The following STAG1 variants were observed in gnomAD, a reference collection of about 807,000 sequenced individuals.
STAG1 encodes cohesin subunit SA-1.
STAG1 carries 26 observed loss-of-function variants against 170.9 expected under a neutral mutation model. That is an observed-to-expected ratio of 0.15 (90% CI 0.11 to 0.21). The LOEUF (loss-of-function observed/expected upper bound fraction) is 0.21, where lower values mean the gene tolerates loss of function less well. STAG1 is among the 10% of genes least tolerant of loss of function. The probability of loss-of-function intolerance (pLI) is 1.00; values close to 1 mark genes in which losing one functional copy is unlikely to be tolerated. For synonymous variants in STAG1, 514 were observed against 497.7 expected, an observed-to-expected ratio of 1.03 and a Z score of -0.44; for missense variants, 964 against 1,509.5, an observed-to-expected ratio of 0.64 and a Z score of 5.99.
chr3:136,372,667 T>G (rs1163114582), intron 23 of STAG1, among the ~76,000 whole-genome samples: 2 of 152,242 alleles, frequency 1.3e-5, no homozygotes, highest in Non-Finnish European at 2.9e-5. Flanking sequence ...TTTTCCTATG[T>G]TGAACCAGCC....
intron 1 of STAG1, among the ~76,000 whole-genome samples, chr3:136,683,262 A>C (rs1343017704): frequency 9.5e-6 from 1 of 105,078 alleles, no homozygotes; most frequent in Non-Finnish European, 1.9e-5. Context: ...TGTGTATTTC[A>C]ACACAATTTT....
chr3:136,443,464 AT>A (rs2088689388), intron 14 of STAG1, 60 bp from the exon 15 acceptor site: 1 of 1,153,912 alleles, frequency 8.7e-7, no homozygotes, highest in Non-Finnish European at 1.3e-6. Flanking sequence ...ACTAATACTA[AT>A]TTGAGTTAAG....
At chr3:136,349,939 G>A (rs1369551597) in intron 28 of STAG1, among the ~76,000 whole-genome samples, 2 of 152,166 alleles carry the variant, frequency 1.3e-5, no homozygotes, top group Non-Finnish European at 2.9e-5. Context: ...CAGATCACTT[G>A]AGGACAGCAG....
chr3:136,723,227 C>CT (rs1439504169), intron 1 of STAG1, among the ~76,000 whole-genome samples: 1 of 151,526 alleles, frequency 6.6e-6, no homozygotes, highest in East Asian at 1.9e-4. Flanking sequence ...GCCCGGCTGC[C>CT]ATCCCATCTA....
intron 5 of STAG1, among the ~76,000 whole-genome samples, chr3:136,564,228 G>A (rs1430203783): frequency 1.3e-5 from 2 of 152,120 alleles, no homozygotes; most frequent in Non-Finnish European, 2.9e-5. Flanking sequence ...ACTGCTGAAG[G>A]TATATATTCA....
intron 7 of STAG1, among the ~76,000 whole-genome samples, chr3:136,506,887 T>C (rs554871669): frequency 5.3e-4 from 81 of 152,310 alleles, no homozygotes; most frequent in Non-Finnish European, 3.2e-4. Flanking sequence ...TATTTGTGTG[T>C]TGTAAACAAA....
At chr3:136,713,335 C>A (rs1943434164) in intron 1 of STAG1, among the ~76,000 whole-genome samples, 2 of 152,088 alleles carry the variant, frequency 1.3e-5, no homozygotes, top group Non-Finnish European at 2.9e-5. Flanking sequence ...GTAATCCCAG[C>A]ACTTTGGGAG....
intron 28 of STAG1, among the ~76,000 whole-genome samples, chr3:136,350,635 T>C (rs1202751037): frequency 1.3e-5 from 2 of 152,148 alleles, no homozygotes; most frequent in Non-Finnish European, 2.9e-5. Context: ...TGCTGGTCCA[T>C]GCCATCCAAA....
intron 26 of STAG1, among the ~76,000 whole-genome samples, chr3:136,359,794 C>T (rs1310593010): frequency 6.6e-6 from 1 of 152,138 alleles, no homozygotes; most frequent in East Asian, 1.9e-4. Flanking sequence ...CAGGCGTGAG[C>T]CACCACACGT....
intron 13 of STAG1, among the ~76,000 whole-genome samples, chr3:136,462,353 T>C (rs562655977): frequency 1.3e-5 from 2 of 152,286 alleles, no homozygotes; most frequent in Admixed American, 6.5e-5. Flanking sequence ...TGGAATACTA[T>C]TTAGCCATAA....
intron 21 of STAG1, 36 bp downstream of exon 21, chr3:136,417,849 T>TAAG: frequency 6.5e-7 from 1 of 1,536,582 alleles, no homozygotes. Context: ...AACAACTTTC[T>TAAG]AGAGTCATAC....
intron 6 of STAG1, among the ~76,000 whole-genome samples, chr3:136,530,256 T>C (rs992368655): frequency 6.6e-6 from 1 of 152,184 alleles, no homozygotes; most frequent in African/African-American, 2.4e-5. Flanking sequence ...TAAATCTAAA[T>C]AGACTCCCAG....
chr3:136,349,413 A>G (rs1312275393), intron 28 of STAG1, 50 bp from the exon 29 acceptor site: 1 of 1,408,334 alleles, frequency 7.1e-7, no homozygotes, highest in Admixed American at 1.7e-5. Flanking sequence ...CAGTTCATAC[A>G]TCACTTACTT....
intron 7 of STAG1, among the ~76,000 whole-genome samples, chr3:136,510,443 C>A (rs1384292128): frequency 6.6e-6 from 1 of 151,844 alleles, no homozygotes; most frequent in Non-Finnish European, 1.5e-5. Flanking sequence ...GCGCCCACCA[C>A]CAGCCCAGCT....
chr3:136,528,304 T>G (rs1392804304), intron 6 of STAG1, among the ~76,000 whole-genome samples: 1 of 152,132 alleles, frequency 6.6e-6, no homozygotes, highest in Non-Finnish European at 1.5e-5. Flanking sequence ...CCCCCAGCCT[T>G]ACTGCAGCCT....
rs1213400411 is a variant in STAG1, at chr3:136,702,115, GAGAGAGACAGAGAGAC to G, written c.-84+50064_-84+50079del. Among the ~76,000 whole-genome samples the G allele has an allele frequency of 7.6e-3, 501 of 66,208 alleles. 7 individuals are homozygous for G. The highest frequency in any genetic ancestry group is 0.023 in the African/African-American group (420 of 18,332). The allele number at this position is 66,208 out of a possible 152,430, so 43.4% of individuals were successfully genotyped here. A position where few individuals can be genotyped will look rare whatever the true frequency, so the allele number is the denominator to read the frequency against. ...AGAGAGAGAGAGAGAGAGAGAGAGAGAGAGAGACAGAGAGACAGAGAGACAGAGAGACAGAGAGACA... is the reference window on the plus strand; with the variant it reads ...AGAGAGAGAGAGAGAGAGAGAGAGAGAGAGAGACAGAGAGACAGAGAGACA... On this transcript the variant is annotated intron_variant, in intron 1 of 33. Coordinates refer to ENST00000383202, the MANE Select transcript of STAG1 (RefSeq NM_005862.3).
At chr3:136,527,126 T>C (rs992760359) in intron 6 of STAG1, among the ~76,000 whole-genome samples, 1 of 152,194 alleles carries the variant, frequency 6.6e-6, no homozygotes, top group Admixed American at 6.5e-5. Flanking sequence ...TTTCCTGAAT[T>C]TGAATGTTGG....
At chr3:136,586,091 C>T (rs555674385) in intron 4 of STAG1, among the ~76,000 whole-genome samples, 4 of 152,220 alleles carry the variant, frequency 2.6e-5, no homozygotes, top group Admixed American at 2.0e-4. Context: ...GTTAGGTTCC[C>T]TCTTTGAAAA....
intron 6 of STAG1, among the ~76,000 whole-genome samples, chr3:136,526,598 T>G (rs930445884): frequency 6.6e-6 from 1 of 152,214 alleles, no homozygotes; most frequent in Non-Finnish European, 1.5e-5. Context: ...CATTTACATT[T>G]AAGGTTAATA....
Sources: gnomAD v4.1 joint callset for allele counts (sites outside exome capture counted in the v4.1 genomes callset) on GRCh38, gnomAD v4.1.1 for gene constraint, MANE v1.5 for transcripts, NCBI Gene and HGNC (gene_info 2026-07-23, HGNC 2026-07-21) for gene names.